KDM4C: variants seen among roughly 807,000 people sequenced by gnomAD.
KDM4C encodes lysine-specific demethylase 4C.
In KDM4C, 81 loss-of-function variants were observed where a neutral mutation model predicts 129.3. That is an observed-to-expected ratio of 0.63 (90% CI 0.52 to 0.75). The LOEUF (loss-of-function observed/expected upper bound fraction) is 0.75. Among genes scored for constraint, KDM4C ranks in the 30% least tolerant of loss-of-function variants. The probability of loss-of-function intolerance (pLI) is 0.00; values close to 1 mark genes in which losing one functional copy is unlikely to be tolerated. For synonymous variants in KDM4C, 573 were observed against 456.1 expected, an observed-to-expected ratio of 1.26 and a Z score of -3.26; for missense variants, 1,457 against 1,304.0, an observed-to-expected ratio of 1.12 and a Z score of -1.81.
intron 19 of KDM4C, among the ~76,000 whole-genome samples, chr9:7,134,006 C>T (rs1840921465): frequency 6.6e-6 from 1 of 152,174 alleles, no homozygotes; most frequent in Admixed American, 6.5e-5. Context: ...CTTTGGAAGC[C>T]CTGTCCCATC....
chr9:6,882,568 G>A (rs1844618325), intron 6 of KDM4C, among the ~76,000 whole-genome samples: 1 of 152,196 alleles, frequency 6.6e-6, no homozygotes, highest in Admixed American at 6.5e-5. Flanking sequence ...AGGACTTTGT[G>A]CAGCCAGTTT....
intron 8 of KDM4C, among the ~76,000 whole-genome samples, chr9:6,906,059 C>T (rs1158072652): frequency 6.6e-6 from 1 of 151,942 alleles, no homozygotes; most frequent in Non-Finnish European, 1.5e-5. Flanking sequence ...TGGGAAGATG[C>T]AACACACTCT....
At chr9:6,857,762 T>TTTG (rs1840132198) in intron 5 of KDM4C, among the ~76,000 whole-genome samples, 1 of 151,678 alleles carries the variant, frequency 6.6e-6, no homozygotes, top group Non-Finnish European at 1.5e-5. Flanking sequence ...GTACTTTTTT[T>TTTG]TTTTTTTTTT....
intron 4 of KDM4C, among the ~76,000 whole-genome samples, chr9:6,836,499 A>G (rs1185065211): frequency 1.3e-5 from 2 of 152,222 alleles, no homozygotes; most frequent in Admixed American, 1.3e-4. Flanking sequence ...AACAACTACA[A>G]CATTAACAGC....
chr9:6,919,285 C>CTCTT (rs769001260), intron 8 of KDM4C, among the ~76,000 whole-genome samples: 1 of 46,890 alleles, frequency 2.1e-5, no homozygotes, highest in Non-Finnish European at 5.4e-5. Context: ...CTCTCTCTCT[C>CTCTT]TCTTTCTTTC....
chr9:6,806,902 C>G (rs946341843), intron 3 of KDM4C, among the ~76,000 whole-genome samples: 9 of 148,234 alleles, frequency 6.1e-5, no homozygotes, highest in African/African-American at 2.1e-4. Context: ...CTCCCTCTCC[C>G]TCTCCCTCTC....
intron 16 of KDM4C, among the ~76,000 whole-genome samples, chr9:7,047,573 C>T (rs1410994583): frequency 6.6e-6 from 1 of 151,666 alleles, no homozygotes; most frequent in Non-Finnish European, 1.5e-5. Context: ...AAGCATATTA[C>T]AGGGTCCGCT....
chr9:7,110,076 C>A (rs146300471), intron 18 of KDM4C, among the ~76,000 whole-genome samples: 1,567 of 152,296 alleles, frequency 0.01, 20 homozygotes, highest in Admixed American at 0.022. Flanking sequence ...TAGTCTCAGG[C>A]GGTTCTTTAT....
At chr9:6,898,804 T>G (rs910075571) in intron 8 of KDM4C, among the ~76,000 whole-genome samples, 2 of 152,204 alleles carry the variant, frequency 1.3e-5, no homozygotes, top group Non-Finnish European at 2.9e-5. Flanking sequence ...CAGAAAATCT[T>G]TAATCTTGGG....
chr9:7,091,460 A>C (rs1408432745), intron 17 of KDM4C, among the ~76,000 whole-genome samples: 1 of 152,224 alleles, frequency 6.6e-6, no homozygotes, highest in Non-Finnish European at 1.5e-5. Context: ...TTTTCCCTCT[A>C]GGAAAAGGCA....
At chr9:6,862,807 A>AAAACAAACAAACAAAC (rs367828705) in intron 5 of KDM4C, among the ~76,000 whole-genome samples, 158 of 150,780 alleles carry the variant, frequency 1.0e-3, no homozygotes, top group Admixed American at 2.6e-3. Context: ...ACTTTGTCTC[A>AAAACAAACAAACAAAC]AAACAAACAA....
chr9:6,965,030 A>G (rs1332277765), intron 8 of KDM4C, among the ~76,000 whole-genome samples: 1 of 151,806 alleles, frequency 6.6e-6, no homozygotes, highest in Non-Finnish European at 1.5e-5. Flanking sequence ...TACATTTTTT[A>G]TTCTTAAACT....
At chr9:7,143,574 C>T (rs749006267) in intron 19 of KDM4C, among the ~76,000 whole-genome samples, 1 of 152,168 alleles carries the variant, frequency 6.6e-6, no homozygotes, top group Non-Finnish European at 1.5e-5. Flanking sequence ...ATTAAAAGCT[C>T]TTGTTTGGAT....
chr9:6,995,880 C>T (rs888025022), intron 12 of KDM4C, among the ~76,000 whole-genome samples: 58 of 137,982 alleles, frequency 4.2e-4, no homozygotes, highest in Middle Eastern at 3.6e-3. Flanking sequence ...ACTGTGTTAG[C>T]CAGGATGGTC....
intron 18 of KDM4C, among the ~76,000 whole-genome samples, chr9:7,116,521 A>G (rs185397365): frequency 7.2e-5 from 11 of 152,224 alleles, no homozygotes; most frequent in Middle Eastern, 3.4e-3. Flanking sequence ...TCCTGCCCCC[A>G]CGTGAACCCC....
intron 8 of KDM4C, among the ~76,000 whole-genome samples, chr9:6,945,124 A>T (rs932015176): frequency 1.3e-5 from 2 of 152,114 alleles, no homozygotes; most frequent in African/African-American, 4.8e-5. Context: ...TACTCACTGC[A>T]CGAACCCGTG....
At chr9:7,019,719 A>ATAATATTTTTATATATAAAAATG (rs2132235058) in intron 15 of KDM4C, among the ~76,000 whole-genome samples, 1 of 112,790 alleles carries the variant, frequency 8.9e-6, no homozygotes, top group East Asian at 3.0e-4. Flanking sequence ...ATATAAAAAT[A>ATAATATTTTTATATATAAAAATG]TAATATTTTT....
chr9:7,033,882 G>A (rs958895175), intron 15 of KDM4C, among the ~76,000 whole-genome samples: 1 of 152,114 alleles, frequency 6.6e-6, no homozygotes, highest in African/African-American at 2.4e-5. Context: ...AGGTCACTGG[G>A]CTGCAAGGCA....
intron 19 of KDM4C, 76 bp from the exon 20 acceptor site, chr9:7,165,162 G>A (rs996830628): frequency 1.9e-6 from 3 of 1,546,928 alleles, no homozygotes; most frequent in African/African-American, 1.4e-5. Flanking sequence ...ATTGCCAGGA[G>A]TTCATCATTT....
Sources: gnomAD v4.1 joint callset for allele counts (sites outside exome capture counted in the v4.1 genomes callset) on GRCh38, gnomAD v4.1.1 for gene constraint, MANE v1.5 for transcripts, NCBI Gene and HGNC (gene_info 2026-07-23, HGNC 2026-07-21) for gene names.